Variants in CDC20B observed in about 807,000 individuals in gnomAD.
CDC20B encodes the protein cell division cycle 20B.
In CDC20B, 58 loss-of-function variants were observed where a neutral mutation model predicts 64.1. That is an observed-to-expected ratio of 0.90 (90% CI 0.73 to 1.13). The LOEUF (loss-of-function observed/expected upper bound fraction) is 1.13, where lower values mean the gene tolerates loss of function less well. Ranked by LOEUF, CDC20B falls within the 50% of genes most tolerant of loss-of-function variation. The pLI, the probability that CDC20B is intolerant of heterozygous loss-of-function variation, is 0.00. For synonymous variants in CDC20B, 243 were observed against 230.6 expected, an observed-to-expected ratio of 1.05 and a Z score of -0.49; for missense variants, 597 against 633.0, an observed-to-expected ratio of 0.94 and a Z score of 0.61.
intron 11 of CDC20B, among the ~76,000 whole-genome samples, chr5:55,116,761 A>C (rs1742635212): frequency 6.6e-6 from 1 of 152,260 alleles, no homozygotes; most frequent in Non-Finnish European, 1.5e-5. Context: ...TGAAGAAGAG[A>C]AAAAGGGAAA....
In CDC20B at chr5:55,114,939, A is replaced by C. The variant is rs1215812945; in HGVS notation, c.1460-621T>G. 6.6e-6 allele frequency among the ~76,000 whole-genome samples: 1 copy of C among 152,196 alleles called. No individual in the cohort carries two copies. Among genetic ancestry groups the C allele is most frequent in the Admixed American group, 6.5e-5 (1 of 15,282 alleles). On this transcript the variant is annotated intron_variant, in intron 11 of 11. Coordinates refer to ENST00000381375, the MANE Select transcript of CDC20B (RefSeq NM_001170402.1). The surrounding 1 kb of genome is among the most constrained non-coding windows in gnomAD (Gnocchi z 4.1). Reference sequence around the variant, plus strand: ...CAGAGATTTAGCATGGGTATCCTTTAGGAGACCATTTATCAGCCTACCACA... The same window carrying C: ...CAGAGATTTAGCATGGGTATCCTTTCGGAGACCATTTATCAGCCTACCACA...
At chr5:55,153,517 A>G (rs1426245962) in intron 2 of CDC20B, among the ~76,000 whole-genome samples, 2 of 152,170 alleles carry the variant, frequency 1.3e-5, no homozygotes, top group African/African-American at 4.8e-5. Context: ...GTTCTCCAAT[A>G]GGAGAAGCAA....
At chr5:55,131,998 A>G (rs1192277043) in intron 6 of CDC20B, among the ~76,000 whole-genome samples, 1 of 151,988 alleles carries the variant, frequency 6.6e-6, no homozygotes, top group Non-Finnish European at 1.5e-5. Flanking sequence ...TAAACCCAGG[A>G]GGCGGAGGCT....
At chr5:55,158,883 A>G (rs377709857) in intron 2 of CDC20B, among the ~76,000 whole-genome samples, 10 of 152,300 alleles carry the variant, frequency 6.6e-5, no homozygotes, top group African/African-American at 2.4e-4. Flanking sequence ...GAAAAAACGA[A>G]GCAATTAGAT....
At position 55,114,170 on chromosome 5, in the gene CDC20B, T is replaced by C; in HGVS notation, c.*48A>G. Reference sequence around the variant, plus strand: ...CATGGAGAAGACATAGCCAACATCATCATCTTCACTCAGAAATAAGGAAAC... The same window carrying C: ...CATGGAGAAGACATAGCCAACATCACCATCTTCACTCAGAAATAAGGAAAC... On this transcript the variant is annotated 3_prime_UTR_variant, in exon 12 of 12. Transcript: ENST00000381375. This position sits in a 1 kb window ranked among gnomAD's most constrained non-coding sequence, Gnocchi z 4.1. The C allele has an allele frequency of 6.3e-7, 1 of 1,583,960 alleles. No individual in the cohort carries two copies. Among genetic ancestry groups the C allele is most frequent in the Non-Finnish European group, 8.6e-7 (1 of 1,165,200 alleles).
intron 2 of CDC20B, among the ~76,000 whole-genome samples, chr5:55,156,767 G>C (rs1029919706): frequency 6.6e-6 from 1 of 152,110 alleles, no homozygotes; most frequent in Non-Finnish European, 1.5e-5. Context: ...CCAGCTACTC[G>C]GGAGGCTGAG....
intron 11 of CDC20B, among the ~76,000 whole-genome samples, chr5:55,119,570 T>C (rs1449223474): frequency 6.6e-6 from 1 of 152,220 alleles, no homozygotes; most frequent in Non-Finnish European, 1.5e-5. Flanking sequence ...ATCATTCATA[T>C]ACATATGCAA....
At chr5:55,159,213 C>A (rs752298135) in intron 2 of CDC20B, among the ~76,000 whole-genome samples, 1 of 152,106 alleles carries the variant, frequency 6.6e-6, no homozygotes, top group Admixed American at 6.6e-5. Flanking sequence ...ACAGGGGTAT[C>A]GCTTTCTTGC....
At chr5:55,160,037 C>T (rs1743947534) in intron 2 of CDC20B, 3 of 599,560 alleles carry the variant, frequency 5.0e-6, no homozygotes, top group Non-Finnish European at 6.0e-6. Flanking sequence ...TCAGGAGTTT[C>T]GCTTCATTTC....
At chr5:55,137,291 C>A in intron 5 of CDC20B, 1 of 296,320 alleles carries the variant, frequency 3.4e-6, no homozygotes, top group Admixed American at 4.0e-5. Context: ...TACAGAGCTT[C>A]CCTGATAACG....
chr5:55,142,421 T>G (rs1184873056), intron 4 of CDC20B, among the ~76,000 whole-genome samples: 1 of 152,160 alleles, frequency 6.6e-6, no homozygotes, highest in Non-Finnish European at 1.5e-5. Context: ...GGGATGATGT[T>G]CCAGCTGGTA....
intron 11 of CDC20B, among the ~76,000 whole-genome samples, chr5:55,115,706 C>G (rs1742607155): frequency 6.6e-6 from 1 of 152,148 alleles, no homozygotes; most frequent in Admixed American, 6.5e-5. Context: ...GCCTACGACT[C>G]AATTGAGAGC....
intron 2 of CDC20B, chr5:55,165,490 T>C (rs182327441): frequency 2.6e-5 from 4 of 152,354 alleles, no homozygotes; most frequent in Admixed American, 1.3e-4. Context: ...TCTGACCTGA[T>C]GGATGAAAGT....
In CDC20B at chr5:55,172,595, G is replaced by C; in HGVS notation, c.119C>G (p.Ser40Cys). ...KDLKQKRSQDSANVLDSVNAT... is the reference protein window; with the variant it reads ...KDLKQKRSQDCANVLDSVNAT... Reference sequence around the variant, plus strand: ...AACAAGCCCTGGACTCACGTTGGCGGAATCTTGACTTCTCTTCTGCTTCAA... The same window carrying C: ...AACAAGCCCTGGACTCACGTTGGCGCAATCTTGACTTCTCTTCTGCTTCAA... The change falls in exon 2 of 12, where the codon TCC (serine) becomes TGC (cysteine). Residue 40 changes from serine to cysteine, a missense_variant. Coordinates refer to ENST00000381375, the MANE Select transcript of CDC20B (RefSeq NM_001170402.1). 6.2e-7 allele frequency: 1 copy of C among 1,612,466 alleles called. No individual in the cohort carries two copies. The highest frequency in any genetic ancestry group is 8.5e-7 in the Non-Finnish European group (1 of 1,178,650).
intron 3 of CDC20B, 149 bp downstream of exon 3, chr5:55,146,479 C>A (rs1743477758): frequency 1.6e-6 from 1 of 608,782 alleles, no homozygotes; most frequent in African/African-American, 1.9e-5. Context: ...CATTTCTCCC[C>A]ACCTTGGAAA....
At chr5:55,157,755 T>C (rs1265593024) in intron 2 of CDC20B, among the ~76,000 whole-genome samples, 1 of 152,228 alleles carries the variant, frequency 6.6e-6, no homozygotes, top group Non-Finnish European at 1.5e-5. Flanking sequence ...TATAATACAA[T>C]GGACTAGAAA....
chr5:55,164,215 A>T (rs1182916296), intron 2 of CDC20B: 2 of 1,536,022 alleles, frequency 1.3e-6, no homozygotes, highest in East Asian at 4.6e-5. Context: ...AAGAGGATCT[A>T]TGAGAATGCC....
In CDC20B at chr5:55,125,017, A is replaced by G; in HGVS notation, c.1001T>C (p.Leu334Pro). Residue 334 changes from leucine (L) to proline (P), a missense_variant, in exon 9 of 12, where the codon CTG becomes CCG. This residue lies in a region of CDC20B where 353 missense variants were observed against 397.0 expected (regional missense o/e 0.89). Coordinates refer to ENST00000381375, the MANE Select transcript of CDC20B (RefSeq NM_001170402.1). ...NHFILSSGSR[L>P]GRVYHHDVRV... Reference sequence around the variant, plus strand: ...AACATCGTGATGATAAACACGCCCCAGTCTTGACCCACTGCGAGTTTACAT... The same window carrying G: ...AACATCGTGATGATAAACACGCCCCGGTCTTGACCCACTGCGAGTTTACAT... 1.2e-6 allele frequency: 2 copies of G among 1,611,906 alleles called. No individual in the cohort carries two copies. The highest frequency in any genetic ancestry group is 1.1e-5 in the South Asian group (1 of 91,026).
intron 2 of CDC20B, among the ~76,000 whole-genome samples, chr5:55,151,205 C>T (rs930353850): frequency 1.3e-5 from 2 of 152,208 alleles, no homozygotes; most frequent in Admixed American, 6.5e-5. Context: ...TGAGACACAT[C>T]GTCTCATTTC....
Sources: gnomAD v4.1 joint callset for allele counts (sites outside exome capture counted in the v4.1 genomes callset) on GRCh38, gnomAD v4.1.1 for gene constraint, gnomAD v4.1.1 regional missense constraint, Gnocchi (gnomAD v3.1) non-coding constraint, MANE v1.5 for transcripts, NCBI Gene and HGNC (gene_info 2026-07-23, HGNC 2026-07-21) for gene names.